The following ATF7IP2 variants were observed in gnomAD, a reference collection of about 807,000 sequenced individuals.
The protein encoded by ATF7IP2 is activating transcription factor 7-interacting protein 2.
Under a neutral mutation model 64.2 loss-of-function variants are expected in ATF7IP2, and 42 were observed. The observed-to-expected ratio is 0.65, with a 90% CI of 0.51 to 0.85. The LOEUF is 0.85. Ranked by LOEUF, ATF7IP2 falls within the 40% of genes least tolerant of loss-of-function variation. The pLI is 0.00. For missense variants in ATF7IP2, 933 were observed against 784.2 expected (o/e 1.19, Z -2.27); for synonymous variants, 308 against 272.8 (o/e 1.13, Z -1.27).
intron 5 of ATF7IP2, among the ~76,000 whole-genome samples, chr16:10,433,143 C>T (rs563277740): frequency 2.6e-5 from 4 of 152,112 alleles, no homozygotes; most frequent in African/African-American, 9.6e-5. Flanking sequence ...TTTCCATTTG[C>T]TCAGAGGGTC....
intron 9 of ATF7IP2, among the ~76,000 whole-genome samples, chr16:10,460,335 A>G (rs2049332938): frequency 6.6e-6 from 1 of 152,212 alleles, no homozygotes. Flanking sequence ...GTACAACTTC[A>G]GTCAGTATCT....
intron 12 of ATF7IP2, 62 bp downstream of exon 12, chr16:10,474,051 C>G: frequency 9.3e-7 from 1 of 1,079,918 alleles, no homozygotes; most frequent in Non-Finnish European, 1.4e-6. Flanking sequence ...ACTCATAATG[C>G]ACTGGGTCTA....
At chr16:10,390,401 A>C (rs889877845) in intron 1 of ATF7IP2, among the ~76,000 whole-genome samples, 2 of 152,248 alleles carry the variant, frequency 1.3e-5, no homozygotes, top group African/African-American at 4.8e-5. Flanking sequence ...ATAAATATCA[A>C]ATTATAAGGT....
chr16:10,464,589 A>G (rs1197757809), intron 9 of ATF7IP2, among the ~76,000 whole-genome samples: 5 of 152,210 alleles, frequency 3.3e-5, no homozygotes, highest in African/African-American at 7.2e-5. Context: ...TTTATGTGCA[A>G]TTACTTCCAA....
At chr16:10,425,598 A>C (rs1394359372) in intron 3 of ATF7IP2, among the ~76,000 whole-genome samples, 4 of 152,166 alleles carry the variant, frequency 2.6e-5, no homozygotes, top group African/African-American at 2.4e-5. Flanking sequence ...ATTGATACAA[A>C]AATGTTAAAA....
chr16:10,413,349 C>T (rs189330681), intron 1 of ATF7IP2, among the ~76,000 whole-genome samples: 33 of 152,188 alleles, frequency 2.2e-4, no homozygotes, highest in Admixed American at 1.8e-3. Flanking sequence ...CAGGGGTTTC[C>T]GCTTTTGCTG....
intron 8 of ATF7IP2, chr16:10,449,081 C>A (rs1052602503): frequency 2.0e-5 from 3 of 151,912 alleles, no homozygotes; most frequent in Admixed American, 6.6e-5. Flanking sequence ...TGTGGTTTTT[C>A]TCATTGGTTC....
chr16:10,481,916 C>G lies in ATF7IP2; in HGVS notation c.1716C>G (p.Asp572Glu). The change falls in exon 14 of 14, where the codon GAC (aspartate) becomes GAG (glutamate). Residue 572 changes from aspartate (D) to glutamate (E), a missense_variant. Coordinates refer to ENST00000562102, the MANE Select transcript of ATF7IP2 (RefSeq NM_001393719.1). The stretch of plus-strand genomic sequence containing the variant: ...CTGAATTAGTAGACAAAACCCGAGA[C>G]ACACTTCCTCCCCAGAAGCCTGAGC... ...PLPELVDKTR[D>E]TLPPQKPELK... is the part of the protein sequence containing the mutation. 1 of 1,614,004 alleles carries G rather than the reference C, an allele frequency of 6.2e-7. No individual in the cohort carries two copies. The highest frequency in any genetic ancestry group is 8.5e-7 in the Non-Finnish European group (1 of 1,179,956).
At chr16:10,453,331 G>C (rs1347514587) in intron 8 of ATF7IP2, among the ~76,000 whole-genome samples, 1 of 152,098 alleles carries the variant, frequency 6.6e-6, no homozygotes, top group Non-Finnish European at 1.5e-5. Context: ...GCTTCCCTTG[G>C]GTAGGGAAGA....
At chr16:10,408,932 G>A (rs139020895) in intron 1 of ATF7IP2, among the ~76,000 whole-genome samples, 13 of 152,286 alleles carry the variant, frequency 8.5e-5, no homozygotes, top group African/African-American at 3.1e-4. Flanking sequence ...TGTCTATGTT[G>A]GAGATAAATG....
intron 1 of ATF7IP2, among the ~76,000 whole-genome samples, chr16:10,388,839 T>C (rs2047261687): frequency 6.6e-6 from 1 of 151,540 alleles, no homozygotes; most frequent in Admixed American, 6.6e-5. Flanking sequence ...TGAAACCCCG[T>C]CTCCACTAAA....
chr16:10,423,750 C>G (rs1020159880), intron 3 of ATF7IP2, among the ~76,000 whole-genome samples: 1 of 152,194 alleles, frequency 6.6e-6, no homozygotes, highest in Non-Finnish European at 1.5e-5. Flanking sequence ...TCATTACACC[C>G]TCCTTCCTCC....
chr16:10,433,387 C>A, intron 5 of ATF7IP2, 138 bp from the exon 6 acceptor site: 1 of 657,846 alleles, frequency 1.5e-6, no homozygotes. Context: ...GTTGCCCAGG[C>A]TGGTCTTGAA....
At chr16:10,401,959 CCTT>C (rs2047544427) in intron 1 of ATF7IP2, among the ~76,000 whole-genome samples, 1 of 151,864 alleles carries the variant, frequency 6.6e-6, no homozygotes, top group Non-Finnish European at 1.5e-5. Context: ...TGTAAGGTGT[CCTT>C]CTTAATTTCT....
chr16:10,481,671 T>G (rs2050235468), intron 13 of ATF7IP2, among the ~76,000 whole-genome samples, 165 bp from the exon 14 acceptor site: 1 of 152,222 alleles, frequency 6.6e-6, no homozygotes. Flanking sequence ...ATAGAAATCT[T>G]AAATCCAAAA....
At chr16:10,404,986 T>C (rs929868534) in intron 1 of ATF7IP2, among the ~76,000 whole-genome samples, 2 of 152,166 alleles carry the variant, frequency 1.3e-5, no homozygotes, top group African/African-American at 4.8e-5. Flanking sequence ...GTTTTTCTTA[T>C]AGAAGCAAAT....
chr16:10,477,147 G>A (rs112552272), intron 12 of ATF7IP2, among the ~76,000 whole-genome samples: 1,636 of 152,210 alleles, frequency 0.011, 17 homozygotes, highest in Middle Eastern at 0.02. Flanking sequence ...TATCATCAGC[G>A]AACAGACAAC....
chr16:10,462,959 G>A (rs555810624), intron 9 of ATF7IP2, among the ~76,000 whole-genome samples: 7 of 152,210 alleles, frequency 4.6e-5, no homozygotes, highest in Admixed American at 2.0e-4. Flanking sequence ...TTAAACCCAT[G>A]TATTCTTAAT....
intron 9 of ATF7IP2, among the ~76,000 whole-genome samples, chr16:10,467,353 A>G (rs970059975): frequency 6.6e-6 from 1 of 152,164 alleles, no homozygotes; most frequent in African/African-American, 2.4e-5. Context: ...TGTAGCTTCA[A>G]CCAAAGAAAA....
Sources: allele counts gnomAD v4.1 joint callset (sites outside exome capture counted in the v4.1 genomes callset), GRCh38; gene constraint gnomAD v4.1.1; transcripts MANE v1.5; gene names NCBI Gene and HGNC (gene_info 2026-07-23, HGNC 2026-07-21).